GABRB3: variants seen among roughly 807,000 people sequenced by gnomAD.
GABRB3 encodes the protein gamma-aminobutyric acid receptor subunit beta-3.
A neutral mutation model predicts 52.1 loss-of-function variants in GABRB3; 14 were observed. The ratio of observed to expected loss-of-function variants is 0.27; its 90% CI spans 0.18 to 0.42. GABRB3 has a LOEUF of 0.42. Ranked by LOEUF, GABRB3 falls within the 10% of genes least tolerant of loss-of-function variation. GABRB3 has a pLI of 1.00. For missense variants in GABRB3, 307 were observed against 609.1 expected (o/e 0.50, Z 5.22); for synonymous variants, 260 against 232.3 (o/e 1.12, Z -1.08).
intron 3 of GABRB3, among the ~76,000 whole-genome samples, chr15:26,663,167 C>G (rs1019148633): frequency 4.7e-4 from 71 of 152,184 alleles, no homozygotes; most frequent in Non-Finnish European, 1.6e-4. Flanking sequence ...TTCATTGTGA[C>G]AGGCCTGCCT....
At chr15:26,642,358 G>C in intron 3 of GABRB3, 1 of 531,282 alleles carries the variant, frequency 1.9e-6, no homozygotes, top group Non-Finnish European at 3.1e-6. Flanking sequence ...GGTGTACTTG[G>C]AGGTATGGGG....
intron 6 of GABRB3, among the ~76,000 whole-genome samples, chr15:26,574,888 G>A (rs557487278): frequency 7.2e-5 from 11 of 152,180 alleles, no homozygotes; most frequent in Non-Finnish European, 1.0e-4. Flanking sequence ...TATGGTATGC[G>A]AATTGTATCT....
intron 4 of GABRB3, among the ~76,000 whole-genome samples, chr15:26,603,192 T>G (rs1470780439): frequency 2.6e-5 from 4 of 151,940 alleles, no homozygotes; most frequent in African/African-American, 9.7e-5. Flanking sequence ...AGACACAACC[T>G]ACCAAGATTG....
chr15:26,580,718 G>A (rs773072955), intron 5 of GABRB3: 7 of 535,452 alleles, frequency 1.3e-5, no homozygotes, highest in South Asian at 5.9e-5. Flanking sequence ...TTCTATTTGC[G>A]AAGTGTAACT....
chr15:26,635,298 CTG>C (rs1478178209), intron 3 of GABRB3, among the ~76,000 whole-genome samples: 1 of 151,902 alleles, frequency 6.6e-6, no homozygotes, highest in African/African-American at 2.4e-5. Flanking sequence ...CCCATTCTGA[CTG>C]TGAGACGTGT....
At chr15:26,689,863 A>G (rs1033156902) in intron 3 of GABRB3, among the ~76,000 whole-genome samples, 4 of 152,096 alleles carry the variant, frequency 2.6e-5, no homozygotes, top group Non-Finnish European at 5.9e-5. Flanking sequence ...TCAGCAAGGG[A>G]GGGACGATAA....
At chr15:26,683,590 C>A (rs1274822678) in intron 3 of GABRB3, among the ~76,000 whole-genome samples, 1 of 152,188 alleles carries the variant, frequency 6.6e-6, no homozygotes, top group African/African-American at 2.4e-5. Context: ...CATACGTGAA[C>A]CTGATCTATG....
chr15:26,624,440 CG>C, intron 3 of GABRB3: 1 of 985,480 alleles, frequency 1.0e-6, no homozygotes, highest in Non-Finnish European at 1.2e-6. Flanking sequence ...CGGATGGGCT[CG>C]CACATGGCTT....
intron 3 of GABRB3, among the ~76,000 whole-genome samples, chr15:26,720,450 G>T (rs1889613486): frequency 2.0e-5 from 3 of 152,150 alleles, no homozygotes; most frequent in Admixed American, 2.0e-4. Context: ...ATATCCATGT[G>T]ATGAAGATTC....
intron 4 of GABRB3, among the ~76,000 whole-genome samples, chr15:26,606,959 A>C (rs1325033816): frequency 1.3e-5 from 2 of 152,038 alleles, no homozygotes; most frequent in Non-Finnish European, 2.9e-5. Context: ...ACCTAACTTA[A>C]TAGTATGCAC....
intron 3 of GABRB3, among the ~76,000 whole-genome samples, chr15:26,668,510 T>C (rs1887786469): frequency 6.6e-6 from 1 of 151,412 alleles, no homozygotes; most frequent in African/African-American, 2.4e-5. Flanking sequence ...CATACAGTTT[T>C]CCCTTTACCT....
At chr15:26,649,852 T>C (rs535160645) in intron 3 of GABRB3, among the ~76,000 whole-genome samples, 66 of 151,592 alleles carry the variant, frequency 4.4e-4, no homozygotes, top group African/African-American at 1.5e-3. Flanking sequence ...GGATCATGAG[T>C]TTTTAATTTC....
chr15:26,740,488 T>C lies in GABRB3; in HGVS notation c.240+31914A>G, dbSNP rs1047827869. ...CTGTGTTCCTGGCAGGAGAAATGGC[T>C]GAAGGAGCACCTGCATCTGAGGTCC... On this transcript the variant is annotated intron_variant, in intron 3 of 8. Transcript: ENST00000311550. Among the ~76,000 whole-genome samples the C allele has an allele frequency of 4.6e-5, 7 of 152,074 alleles. No individual in the cohort carries two copies. In the South Asian group the frequency reaches 1.0e-3, roughly 23 times the overall value.
At chr15:26,709,678 C>G (rs1889230653) in intron 3 of GABRB3, among the ~76,000 whole-genome samples, 1 of 151,912 alleles carries the variant, frequency 6.6e-6, no homozygotes, top group Non-Finnish European at 1.5e-5. Flanking sequence ...CCACCACGCC[C>G]AGCTAATTTT....
At chr15:26,754,407 A>C (rs566199963) in intron 3 of GABRB3, among the ~76,000 whole-genome samples, 1 of 152,220 alleles carries the variant, frequency 6.6e-6, no homozygotes, top group African/African-American at 2.4e-5. Context: ...AGCAGATTTC[A>C]CCAAGGTGCT....
intron 3 of GABRB3, among the ~76,000 whole-genome samples, chr15:26,712,182 T>C (rs1247410281): frequency 2.7e-5 from 4 of 150,110 alleles, no homozygotes; most frequent in African/African-American, 1.0e-4. Flanking sequence ...TTCTTTCTTT[T>C]TTTTTTTTTG....
chr15:26,594,893 A>G (rs1891341278), intron 4 of GABRB3, among the ~76,000 whole-genome samples: 1 of 152,226 alleles, frequency 6.6e-6, no homozygotes, highest in African/African-American at 2.4e-5. Context: ...AAAAGAGAAC[A>G]GCATTCTTTC....
chr15:26,633,521 T>C (rs1311853019), intron 3 of GABRB3, among the ~76,000 whole-genome samples: 2 of 152,158 alleles, frequency 1.3e-5, no homozygotes, highest in African/African-American at 4.8e-5. Flanking sequence ...GACTCTCCCT[T>C]AGCTAAGACA....
intron 8 of GABRB3, among the ~76,000 whole-genome samples, chr15:26,554,990 C>T (rs1342551487): frequency 2.0e-5 from 3 of 151,962 alleles, no homozygotes; most frequent in Non-Finnish European, 2.9e-5. Context: ...TCATCCTGGC[C>T]AACATGATGA....
Sources: gnomAD v4.1 joint callset for allele counts (sites outside exome capture counted in the v4.1 genomes callset) on GRCh38, gnomAD v4.1.1 for gene constraint, MANE v1.5 for transcripts, NCBI Gene and HGNC (gene_info 2026-07-23, HGNC 2026-07-21) for gene names.